SAMHD1: variants seen among roughly 807,000 people sequenced by gnomAD.
SAMHD1 encodes the protein SAM and HD domain containing deoxynucleoside triphosphate triphosphohydrolase 1, also known as deoxynucleoside triphosphate triphosphohydrolase SAMHD1.
In SAMHD1, 54 loss-of-function variants were observed where a neutral mutation model predicts 79.6. That is an observed-to-expected ratio of 0.68 (90% CI 0.55 to 0.85). The LOEUF (loss-of-function observed/expected upper bound fraction) is 0.85. Ranked by LOEUF, SAMHD1 falls within the 40% of genes least tolerant of loss-of-function variation. The pLI is 0.00. For missense variants in SAMHD1, 663 were observed against 782.7 expected (o/e 0.85, Z 1.82); for synonymous variants, 260 against 264.1 (o/e 0.98, Z 0.15).
At position 36,924,073 on chromosome 20, in the gene SAMHD1, G is replaced by A. The variant is rs184629151; in HGVS notation, c.696+3109C>T. On this transcript the variant is annotated intron_variant, in intron 6 of 15. Transcript: ENST00000646673. ...AGACCAGTCTGGGTAACAAAGTGAG[G>A]CCCACTCCCTCTACAAAAAATATAA... 1.9e-3 allele frequency among the ~76,000 whole-genome samples: 285 copies of A among 152,126 alleles called. 1 individual carries two copies. Among genetic ancestry groups the A allele is most frequent in the African/African-American group, 6.4e-3 (265 of 41,500 alleles).
chr20:36,897,887 T>C lies in SAMHD1; in HGVS notation c.1681A>G (p.Ser561Gly), dbSNP rs780453399. 6.2e-7 allele frequency: 1 copy of C among 1,614,184 alleles called. No homozygotes were observed. The highest frequency in any genetic ancestry group is 1.1e-5 in the South Asian group (1 of 91,080). ...AAATATTGTCTTGCGGCATACAAAC[T>C]CTTTCTGTCCACCTTCTTACAATAT... ...RVYCKKVDRK[S>G]LYAARQYFVQ... The change falls in exon 15 of 16, where the codon AGT becomes GGT. Residue 561 changes from serine to glycine, a missense_variant. Physicochemically the swap from Ser to Gly is moderately conservative, Grantham distance 56. Coordinates refer to ENST00000646673, the MANE Select transcript of SAMHD1 (RefSeq NM_015474.4).
At chr20:36,948,291 C>A (rs181107758) in intron 1 of SAMHD1, among the ~76,000 whole-genome samples, 2 of 151,386 alleles carry the variant, frequency 1.3e-5, no homozygotes, top group Non-Finnish European at 1.5e-5. Context: ...CTCACTCGGT[C>A]GCCCAGGCTG....
chr20:36,940,653 T>C (rs1256685404), intron 3 of SAMHD1: 2 of 274,994 alleles, frequency 7.3e-6, no homozygotes, highest in Admixed American at 1.0e-4. Flanking sequence ...GAGCTGAGAT[T>C]GCACCACTGT....
intron 1 of SAMHD1, among the ~76,000 whole-genome samples, chr20:36,950,962 CT>C (rs1269128466): frequency 6.6e-6 from 1 of 152,212 alleles, no homozygotes; most frequent in Admixed American, 6.5e-5. Flanking sequence ...TCCCGCGAGC[CT>C]GGATGACAGC....
intron 11 of SAMHD1, among the ~76,000 whole-genome samples, chr20:36,905,827 G>A (rs6102721): frequency 6.6e-6 from 1 of 152,042 alleles, no homozygotes; most frequent in African/African-American, 2.4e-5. Context: ...AAAAAAATTA[G>A]CTGGGTGTAG....
chr20:36,893,012 T>A lies in SAMHD1; in HGVS notation c.1801A>T (p.Ser601Cys), dbSNP rs190893470. ...CGAGTTGGATTTTGGACTGAAGTAC[T>A]GTCGTTCCATTCCTTTTTTTGAGGT... Reference protein sequence around the residue: ...ITPQKKEWNDSTSVQNPTRLR... With the variant: ...ITPQKKEWNDCTSVQNPTRLR... The change falls in exon 16 of 16, where the codon AGT becomes TGT. Residue 601 changes from serine to cysteine, a missense_variant. Ser to Cys is a moderately radical substitution (Grantham distance 112, BLOSUM62 -1). Transcript: ENST00000646673. 1 of 1,614,132 alleles carries A rather than the reference T, an allele frequency of 6.2e-7. No individual in the cohort carries two copies. The highest frequency in any genetic ancestry group is 2.2e-5 in the East Asian group (1 of 44,888).
intron 13 of SAMHD1, among the ~76,000 whole-genome samples, chr20:36,900,057 G>A (rs1230805357): frequency 1.4e-5 from 2 of 146,630 alleles, no homozygotes; most frequent in African/African-American, 2.5e-5. Context: ...TCGTGCCACC[G>A]TACTCCAACC....
chr20:36,931,018 G>A, intron 4 of SAMHD1, 143 bp from the exon 5 acceptor site: 8 of 686,158 alleles, frequency 1.2e-5, no homozygotes, highest in Non-Finnish European at 1.9e-5. Flanking sequence ...TCAGAACTAG[G>A]CAGGAACACA....
intron 13 of SAMHD1, among the ~76,000 whole-genome samples, chr20:36,900,305 G>A (rs1191910861): frequency 1.3e-5 from 2 of 151,858 alleles, no homozygotes. Context: ...GACTGCAGTG[G>A]CACAATCTCG....
At chr20:36,907,756 G>A (rs1401476066) in intron 11 of SAMHD1, among the ~76,000 whole-genome samples, 1 of 151,614 alleles carries the variant, frequency 6.6e-6, no homozygotes, top group Non-Finnish European at 1.5e-5. Context: ...GATTACAGGC[G>A]TAAGCCACCA....
chr20:36,906,280 A>G (rs2063404861), intron 11 of SAMHD1, among the ~76,000 whole-genome samples: 1 of 152,176 alleles, frequency 6.6e-6, no homozygotes, highest in Non-Finnish European at 1.5e-5. Context: ...TCTACCAAAA[A>G]TACAAAAATT....
chr20:36,917,353 T>A (rs143081040), intron 7 of SAMHD1: 1 of 337,518 alleles, frequency 3.0e-6, no homozygotes, highest in African/African-American at 2.1e-5. Flanking sequence ...TTATAAGTTT[T>A]TGAAAAATAT....
intron 6 of SAMHD1, among the ~76,000 whole-genome samples, chr20:36,925,928 A>C (rs969305714): frequency 4.6e-5 from 7 of 152,200 alleles, no homozygotes; most frequent in Non-Finnish European, 1.0e-4. Flanking sequence ...AGAATTAAAT[A>C]CATATCTACC....
chr20:36,917,068 C>T lies in SAMHD1; in HGVS notation c.853-19G>A. 6.4e-7 allele frequency: 1 copy of T among 1,553,614 alleles called. No individual in the cohort carries two copies. The highest frequency in any genetic ancestry group is 8.9e-7 in the Non-Finnish European group (1 of 1,125,232). On this transcript the variant is annotated intron_variant, in intron 7 of 15. Transcript: ENST00000646673. ...ATGGCCACTGGAAGGCAAGAAAACC[C>T]ACTGGAAGTTTTAGGATAGGCACCA...
rs181954086 is a variant in SAMHD1 at position 36,900,588 on chromosome 20, G to T, written c.1504-2044C>A. Reference sequence around the variant, plus strand: ...TTACATAGTTTTTTTGTTTTTTTTTGATATGGAGTTTCTGTGTCGCCAGGC... The same window carrying T: ...TTACATAGTTTTTTTGTTTTTTTTTTATATGGAGTTTCTGTGTCGCCAGGC... On this transcript the variant is annotated intron_variant, in intron 13 of 15. Coordinates refer to ENST00000646673, the MANE Select transcript of SAMHD1 (RefSeq NM_015474.4). 6.0e-4 allele frequency among the ~76,000 whole-genome samples: 84 copies of T among 139,288 alleles called. No individual in the cohort carries two copies. The East Asian group carries it at 6.6e-3, about 11-fold the overall frequency. The allele number at this position is 139,288 out of a possible 152,430, so 91.4% of individuals were successfully genotyped here. A position where few individuals can be genotyped will look rare whatever the true frequency, so the allele number is the denominator to read the frequency against.
chr20:36,926,849 T>A (rs1358647324), intron 6 of SAMHD1: 2 of 238,606 alleles, frequency 8.4e-6, no homozygotes, highest in Non-Finnish European at 1.7e-5. Context: ...TATTATACAG[T>A]AGTACAATGG....
chr20:36,930,907 C>T lies in SAMHD1; in HGVS notation c.510-32G>A, dbSNP rs199923330. On this transcript the variant is annotated intron_variant, in intron 4 of 15. Coordinates refer to ENST00000646673, the MANE Select transcript of SAMHD1 (RefSeq NM_015474.4). ...AGCAAAAACACAAAAAGTCACTTTT[C>T]TGTTTGCAAGAGGAGTGATAGTTCT... is the stretch of plus-strand genomic sequence containing the variant. 80 of 1,464,940 alleles carry T rather than the reference C, an allele frequency of 5.5e-5. No homozygotes were observed. In the African/African-American group the frequency reaches 1.1e-3, roughly 19 times the overall value. 90.7% of individuals were successfully genotyped at this position (1,464,940 alleles called of 1,614,324 possible).
At chr20:36,911,178 T>G (rs2063437059) in intron 11 of SAMHD1, 40 bp downstream of exon 11, 1 of 1,212,822 alleles carries the variant, frequency 8.2e-7, no homozygotes, top group African/African-American at 1.5e-5. Context: ...TCTTACAGTT[T>G]ATCTGAGATG....
intron 9 of SAMHD1, 137 bp from the exon 10 acceptor site, chr20:36,912,689 T>G: frequency 1.6e-6 from 1 of 628,090 alleles, no homozygotes; most frequent in Non-Finnish European, 2.9e-6. Flanking sequence ...CATTAACACC[T>G]TTGACCCCAC....
Sources: allele counts gnomAD v4.1 joint callset (sites outside exome capture counted in the v4.1 genomes callset), GRCh38; gene constraint gnomAD v4.1.1; transcripts MANE v1.5; gene names NCBI Gene and HGNC (gene_info 2026-07-23, HGNC 2026-07-21).